The following EPB41L2 variants were observed in gnomAD, a reference collection of about 807,000 sequenced individuals.
The protein encoded by EPB41L2 is erythrocyte membrane protein band 4.1 like 2.
EPB41L2 carries 43 observed loss-of-function variants against 113.0 expected under a neutral mutation model. The observed-to-expected ratio is 0.38, with a 90% CI of 0.30 to 0.49. The LOEUF (loss-of-function observed/expected upper bound fraction) is 0.49, where lower values mean the gene tolerates loss of function less well. Ranked by LOEUF, EPB41L2 falls within the 20% of genes least tolerant of loss-of-function variation. The probability of loss-of-function intolerance (pLI) is 0.95; values close to 1 mark genes in which losing one functional copy is unlikely to be tolerated. For synonymous variants in EPB41L2, 442 were observed against 436.7 expected (o/e 1.01, Z -0.15); for missense variants, 1,147 against 1,223.4 (o/e 0.94, Z 0.93).
Position 130,922,698 on chromosome 6 carries a change from T to C in EPB41L2, c.810+3907A>G, listed in dbSNP as rs753973804. On this transcript the variant is annotated intron_variant, in intron 4 of 19. Coordinates refer to ENST00000337057, the MANE Select transcript of EPB41L2 (RefSeq NM_001431.4). ...GAAGGTGCCTGCTGCCTAGTGAGAA[T>C]ACCAGAATGATCAGCTGTTAACAGC... Among the ~76,000 whole-genome samples, 121 of 152,280 alleles carry C rather than the reference T, an allele frequency of 7.9e-4. 1 individual carries two copies. The highest frequency in any genetic ancestry group is 2.1e-4 in the South Asian group (1 of 4,816).
intron 4 of EPB41L2, among the ~76,000 whole-genome samples, chr6:130,909,633 A>G (rs1798740633): frequency 6.6e-6 from 1 of 152,204 alleles, no homozygotes; most frequent in Non-Finnish European, 1.5e-5. Flanking sequence ...ATATTTAGAA[A>G]ACCCCATTGT....
chr6:131,014,159 A>C (rs950477335), intron 1 of EPB41L2: 9 of 152,120 alleles, frequency 5.9e-5, no homozygotes, highest in Admixed American at 2.0e-4. Context: ...ACATAAAGAC[A>C]TCTGAGCAAG....
chr6:130,844,142 A>C (rs1043766910), intron 19 of EPB41L2, among the ~76,000 whole-genome samples: 7 of 152,220 alleles, frequency 4.6e-5, no homozygotes, highest in Non-Finnish European at 8.8e-5. Context: ...AAAATGCAAA[A>C]ATGTGGTTTT....
At chr6:131,018,841 G>A (rs1200982184) in intron 1 of EPB41L2, among the ~76,000 whole-genome samples, 4 of 152,014 alleles carry the variant, frequency 2.6e-5, no homozygotes, top group Non-Finnish European at 4.4e-5. Context: ...AACAAGCTTC[G>A]TTATATTCGT....
chr6:131,037,921 A>T (rs1793688152), intron 1 of EPB41L2, among the ~76,000 whole-genome samples: 1 of 152,160 alleles, frequency 6.6e-6, no homozygotes, highest in African/African-American at 2.4e-5. Flanking sequence ...GATTATATTC[A>T]AGGTGGAAAA....
intron 1 of EPB41L2, among the ~76,000 whole-genome samples, chr6:131,051,108 T>C (rs1796424562): frequency 6.6e-6 from 1 of 152,122 alleles, no homozygotes; most frequent in Non-Finnish European, 1.5e-5. Context: ...ATATAATACA[T>C]TTACTGAACT....
At chr6:130,921,219 G>A (rs951630734) in intron 4 of EPB41L2, among the ~76,000 whole-genome samples, 4 of 151,830 alleles carry the variant, frequency 2.6e-5, no homozygotes, top group African/African-American at 4.8e-5. Context: ...CTATCATCTC[G>A]CTCCACACCA....
intron 1 of EPB41L2, among the ~76,000 whole-genome samples, chr6:130,971,628 G>C (rs1776803494): frequency 6.6e-6 from 1 of 152,176 alleles, no homozygotes; most frequent in Admixed American, 6.5e-5. Context: ...CAGAGAGTGT[G>C]ATTATTTCAT....
At chr6:130,880,306 T>C in intron 12 of EPB41L2, 100 bp from the exon 13 acceptor site, 1 of 757,860 alleles carries the variant, frequency 1.3e-6, no homozygotes, top group Non-Finnish European at 2.2e-6. Context: ...GTCTAAGACA[T>C]TAAAATAAAA....
chr6:130,918,935 T>A (rs1801982708), intron 4 of EPB41L2, among the ~76,000 whole-genome samples: 1 of 152,182 alleles, frequency 6.6e-6, no homozygotes, highest in African/African-American at 2.4e-5. Context: ...AAAAATAGGA[T>A]ACCATACAAA....
intron 1 of EPB41L2, among the ~76,000 whole-genome samples, chr6:130,980,808 T>C (rs944717124): frequency 6.6e-6 from 1 of 152,200 alleles, no homozygotes; most frequent in African/African-American, 2.4e-5. Flanking sequence ...GTTTTAACAC[T>C]ATAAGAAAAG....
intron 1 of EPB41L2, among the ~76,000 whole-genome samples, chr6:131,047,188 A>G (rs1040720058): frequency 1.3e-5 from 2 of 152,160 alleles, no homozygotes; most frequent in Non-Finnish European, 2.9e-5. Flanking sequence ...GTGCTTATAG[A>G]TAACCAGCAT....
intron 3 of EPB41L2, among the ~76,000 whole-genome samples, chr6:130,952,098 G>A (rs1815325775): frequency 6.6e-6 from 1 of 152,066 alleles, no homozygotes; most frequent in South Asian, 2.1e-4. Context: ...ATACTGAGAA[G>A]GTATTTCACA....
chr6:130,874,936 A>G (rs1787014052), intron 14 of EPB41L2, among the ~76,000 whole-genome samples: 2 of 152,238 alleles, frequency 1.3e-5, no homozygotes, highest in Admixed American at 1.3e-4. Flanking sequence ...CTTCTGAAGG[A>G]CAGGTTATGA....
rs577459300 is a variant in EPB41L2 at position 130,992,169 on chromosome 6, C to A, written c.-14-35670G>T. On this transcript the variant is annotated intron_variant, in intron 1 of 19. Transcript: ENST00000337057. ...CAGTAATTATTAAGAGGGTGATTTG[C>A]GAAAAGATTCACACTCACACATTTG... is the stretch of plus-strand genomic sequence containing the variant. Among the ~76,000 whole-genome samples, 13 of 152,016 alleles carry A rather than the reference C, an allele frequency of 8.6e-5. No homozygotes were observed. The South Asian group carries it at 1.9e-3, about 22-fold the overall frequency.
chr6:130,868,552 A>G (rs1178141914), intron 15 of EPB41L2: 1 of 152,240 alleles, frequency 6.6e-6, no homozygotes, highest in African/African-American at 2.4e-5. Flanking sequence ...AAGTGTTCAA[A>G]GACTCTTGAA....
Position 130,867,505 on chromosome 6 carries a change from G to C in EPB41L2, c.2684C>G (p.Pro895Arg), listed in dbSNP as rs1272839107. 10 of 1,614,014 alleles carry C rather than the reference G, an allele frequency of 6.2e-6. No individual in the cohort carries two copies. The highest frequency in any genetic ancestry group is 8.5e-6 in the Non-Finnish European group (10 of 1,179,914). Residue 895 changes from proline (P) to arginine (R), a missense_variant, in exon 16 of 20, where the codon CCC becomes CGC. Transcript: ENST00000337057. The stretch of plus-strand genomic sequence containing the variant: ...GGTTTTGGTCTCAGTTTGGACAATG[G>C]GGACTTCCTTGGTGGAGATTTCTGT... ...QRTEISTKEVPIVQTETKTIT... is the reference protein window; with the variant it reads ...QRTEISTKEVRIVQTETKTIT...
At chr6:130,970,526 C>A (rs904657698) in intron 1 of EPB41L2, 5 of 152,120 alleles carry the variant, frequency 3.3e-5, no homozygotes, top group African/African-American at 1.2e-4. Context: ...CCTGTTTTAC[C>A]CACTGAATGA....
In EPB41L2 at chr6:130,946,366, T is replaced by G. The variant is rs552266027; in HGVS notation, c.705+8739A>C. Among the ~76,000 whole-genome samples the G allele has an allele frequency of 2.0e-5, 3 of 152,302 alleles. No individual in the cohort carries two copies. In the East Asian group the frequency reaches 5.8e-4, roughly 29 times the overall value. ...TAAAAATGCACTGTTACTCAATGTT[T>G]ATGTTCATTTATTATTTCCAGCCTT... On this transcript the variant is annotated intron_variant, in intron 3 of 19. Coordinates refer to ENST00000337057, the MANE Select transcript of EPB41L2 (RefSeq NM_001431.4).
Sources: allele counts gnomAD v4.1 joint callset (sites outside exome capture counted in the v4.1 genomes callset), GRCh38; gene constraint gnomAD v4.1.1; transcripts MANE v1.5; gene names NCBI Gene and HGNC (gene_info 2026-07-23, HGNC 2026-07-21).